Variants in DLGAP1 observed in about 807,000 individuals in gnomAD.
DLGAP1 encodes the protein DLG associated protein 1.
A neutral mutation model predicts 90.8 loss-of-function variants in DLGAP1; 11 were observed. The observed-to-expected ratio is 0.12, with a 90% CI of 0.08 to 0.20. The LOEUF is 0.20. Among genes scored for constraint, DLGAP1 ranks in the 10% least tolerant of loss-of-function variants. The probability of loss-of-function intolerance (pLI) is 1.00; values close to 1 mark genes in which losing one functional copy is unlikely to be tolerated. For synonymous variants in DLGAP1, 558 were observed against 540.7 expected (o/e 1.03, Z -0.44); for missense variants, 1,050 against 1,333.8 (o/e 0.79, Z 3.31).
intron 2 of DLGAP1, among the ~76,000 whole-genome samples, chr18:4,122,239 G>A (rs1008109241): frequency 1.3e-5 from 2 of 152,176 alleles, no homozygotes; most frequent in Non-Finnish European, 2.9e-5. Flanking sequence ...TATAGCAGGA[G>A]GGGTTATAGG....
intron 9 of DLGAP1, among the ~76,000 whole-genome samples, chr18:3,555,768 C>A (rs1184529183): frequency 6.6e-6 from 1 of 152,048 alleles, no homozygotes; most frequent in Non-Finnish European, 1.5e-5. Context: ...CAAGATCACA[C>A]CATTGGACTC....
At chr18:3,946,941 C>T (rs2072888739) in intron 3 of DLGAP1, among the ~76,000 whole-genome samples, 3 of 152,090 alleles carry the variant, frequency 2.0e-5, no homozygotes, top group African/African-American at 7.2e-5. Flanking sequence ...TAGGATTTTC[C>T]ACTAAGTTCT....
intron 2 of DLGAP1, among the ~76,000 whole-genome samples, chr18:4,071,953 C>T (rs1305607438): frequency 2.0e-5 from 3 of 152,144 alleles, no homozygotes; most frequent in African/African-American, 7.2e-5. Flanking sequence ...GTCACTTTCC[C>T]CACTGAAAAG....
chr18:3,772,189 CCTTT>C (rs1384216007), intron 5 of DLGAP1, among the ~76,000 whole-genome samples: 35 of 145,610 alleles, frequency 2.4e-4, no homozygotes, highest in African/African-American at 4.9e-4. Context: ...CTCCTTCCTT[CCTTT>C]CTCTTCTTCT....
At chr18:4,343,157 A>G (rs2081230866) in intron 1 of DLGAP1, among the ~76,000 whole-genome samples, 1 of 151,830 alleles carries the variant, frequency 6.6e-6, no homozygotes, top group Admixed American at 6.6e-5. Context: ...AATACAAAAA[A>G]TTAGCCGGGC....
At chr18:3,609,729 C>T (rs758211438) in intron 7 of DLGAP1, among the ~76,000 whole-genome samples, 10 of 151,556 alleles carry the variant, frequency 6.6e-5, no homozygotes, top group Non-Finnish European at 1.2e-4. Flanking sequence ...TCTTTCCTTC[C>T]TAGATTATGT....
At chr18:3,986,068 TC>T (rs1353772507) in intron 3 of DLGAP1, 1 of 152,106 alleles carries the variant, frequency 6.6e-6, no homozygotes, top group Non-Finnish European at 1.5e-5. Context: ...TTCCCATCTC[TC>T]CCCACACACC....
intron 1 of DLGAP1, among the ~76,000 whole-genome samples, chr18:4,281,359 TG>T (rs1213784532): frequency 6.6e-6 from 1 of 152,130 alleles, no homozygotes; most frequent in Non-Finnish European, 1.5e-5. Flanking sequence ...GCAATCAGCC[TG>T]GCCAACATGA....
chr18:4,107,365 A>G (rs1383447613), intron 2 of DLGAP1, among the ~76,000 whole-genome samples: 1 of 152,164 alleles, frequency 6.6e-6, no homozygotes, highest in Non-Finnish European at 1.5e-5. Context: ...CTTTTAGTAG[A>G]AGCACAGGAA....
rs1252219395 is a variant in DLGAP1 at position 3,600,921 on chromosome 18, G to GAT, written c.1592-18675_1592-18674dup. 4.2e-5 allele frequency among the ~76,000 whole-genome samples: 4 copies of GAT among 95,470 alleles called. 2 individuals are homozygous for GAT. The highest frequency in any genetic ancestry group is 9.0e-5 in the Non-Finnish European group (4 of 44,514). The allele number at this position is 95,470 out of a possible 152,430, so 62.6% of individuals were successfully genotyped here. A position where few individuals can be genotyped will look rare whatever the true frequency, so the allele number is the denominator to read the frequency against. ...ATATATAGATATATAGATAGATATA[G>GAT]ATATATATAGATATATAGATAGATA... On this transcript the variant is annotated intron_variant, in intron 7 of 12. Coordinates refer to ENST00000315677, the MANE Select transcript of DLGAP1 (RefSeq NM_004746.4).
intron 7 of DLGAP1, among the ~76,000 whole-genome samples, chr18:3,717,102 AG>A (rs1324287498): frequency 6.8e-6 from 1 of 146,358 alleles, no homozygotes; most frequent in Non-Finnish European, 1.5e-5. Flanking sequence ...CCATCCCAGC[AG>A]CTTTATACTA....
chr18:3,597,080 T>G (rs2056622074), intron 7 of DLGAP1: 2 of 518,644 alleles, frequency 3.9e-6, no homozygotes, highest in Non-Finnish European at 7.7e-6. Flanking sequence ...TTCTTTTCAC[T>G]CCTCGTTACT....
At chr18:3,600,371 T>G (rs912655454) in intron 7 of DLGAP1, among the ~76,000 whole-genome samples, 58 of 152,162 alleles carry the variant, frequency 3.8e-4, no homozygotes, top group African/African-American at 1.3e-3. Context: ...TTCTCCTGCC[T>G]CAGCCTCCCG....
chr18:3,618,200 G>A (rs1339305276), intron 7 of DLGAP1, among the ~76,000 whole-genome samples: 1 of 152,230 alleles, frequency 6.6e-6, no homozygotes, highest in Non-Finnish European at 1.5e-5. Context: ...GTTCCAGGAA[G>A]GACTTTGCAA....
rs1280596752 is a variant in DLGAP1, at chr18:4,099,289, TGTCTATC to T, written c.-159+51884_-159+51890del. Among the ~76,000 whole-genome samples, 840 of 150,240 alleles carry T rather than the reference TGTCTATC, an allele frequency of 5.6e-3. 5 individuals are homozygous for T. Among genetic ancestry groups the T allele is most frequent in the Non-Finnish European group, 8.1e-3 (544 of 67,294 alleles). ...CTGTCTGTCTATCTATCTATCTATCTGTCTATCATCTATCTATCTATCTATCTATCTA... is the reference window on the plus strand; with the variant it reads ...CTGTCTGTCTATCTATCTATCTATCTATCTATCTATCTATCTATCTATCTA... On this transcript the variant is annotated intron_variant, in intron 2 of 12. Coordinates refer to ENST00000315677, the MANE Select transcript of DLGAP1 (RefSeq NM_004746.4).
At chr18:4,244,507 A>C (rs1422135305) in intron 1 of DLGAP1, among the ~76,000 whole-genome samples, 4 of 152,208 alleles carry the variant, frequency 2.6e-5, no homozygotes, top group Non-Finnish European at 5.9e-5. Flanking sequence ...TGGAGTAAAT[A>C]CTGCGTTAGT....
At chr18:4,177,351 A>AACACACACACACACACACACAC (rs34299932) in intron 1 of DLGAP1, among the ~76,000 whole-genome samples, 1 of 141,568 alleles carries the variant, frequency 7.1e-6, no homozygotes, top group African/African-American at 2.6e-5. Context: ...ACTTTCTTTG[A>AACACACACACACACACACACAC]ACACACACAC....
intron 6 of DLGAP1, among the ~76,000 whole-genome samples, chr18:3,741,333 CCACCACCACCACCACCACCACCACAT>C (rs2063029680): frequency 1.5e-5 from 2 of 133,778 alleles, no homozygotes; most frequent in African/African-American, 3.1e-5. Flanking sequence ...ACCACCATCA[CCACCACCACCACCACCACCACCACAT>C]CACCATCACC....
chr18:4,451,057 A>G (rs933822305), intron 1 of DLGAP1, among the ~76,000 whole-genome samples: 1 of 152,202 alleles, frequency 6.6e-6, no homozygotes, highest in African/African-American at 2.4e-5. Context: ...TAACTCCTAT[A>G]GGAGGGAGAA....
Sources: allele counts gnomAD v4.1 joint callset (sites outside exome capture counted in the v4.1 genomes callset), GRCh38; gene constraint gnomAD v4.1.1; transcripts MANE v1.5; gene names NCBI Gene and HGNC (gene_info 2026-07-23, HGNC 2026-07-21).